The following SZT2 variants were observed in gnomAD, a reference collection of about 807,000 sequenced individuals.
SZT2 encodes the protein SZT2 subunit of KICSTOR complex.
In SZT2, 216 loss-of-function variants were observed where a neutral mutation model predicts 404.2. That is an observed-to-expected ratio of 0.53 (90% CI 0.48 to 0.60). The LOEUF is 0.60. SZT2 is among the 20% of genes least tolerant of loss of function. The pLI, the probability that SZT2 is intolerant of heterozygous loss-of-function variation, is 0.00. For synonymous variants in SZT2, 1,693 were observed against 1,749.9 expected (o/e 0.97, Z 0.81); for missense variants, 3,857 against 4,459.2 (o/e 0.86, Z 3.85).
intron 4 of SZT2, among the ~76,000 whole-genome samples, chr1:43,414,419 AT>A (rs796334958): frequency 1.3e-5 from 2 of 151,920 alleles, no homozygotes; most frequent in African/African-American, 4.8e-5. Context: ...ACCCACAAAA[AT>A]TTTTAAAAAA....
At chr1:43,422,996 G>A in intron 14 of SZT2, 103 bp from the exon 15 acceptor site, 1 of 1,497,704 alleles carries the variant, frequency 6.7e-7, no homozygotes. Flanking sequence ...CCAGACCAAG[G>A]AAGACCTGGA....
At chr1:43,400,098 C>T (rs954969739) in intron 1 of SZT2, among the ~76,000 whole-genome samples, 4 of 151,826 alleles carry the variant, frequency 2.6e-5, no homozygotes, top group East Asian at 1.9e-4. Context: ...ACCACCATGC[C>T]GAGCTAATTT....
rs373399099 is a variant in SZT2 at position 43,421,261 on chromosome 1, C to T, written c.1584C>T (p.Ser528=). The part of the protein sequence containing the change: ...EHFTLPDSTK[S]GVPLFYIPPG... ...TCACGCTTCCTGACAGCACCAAGAG[C>T]GGAGTGCCACTCTTCTACATCCCTC... The change falls in exon 11 of 72, where the codon AGC becomes AGT. Residue 528 remains serine, a synonymous_variant. Transcript: ENST00000634258. The T allele has an allele frequency of 3.3e-5, 53 of 1,598,592 alleles. No homozygotes were observed. The highest frequency in any genetic ancestry group is 3.3e-4 in the Middle Eastern group (2 of 6,060).
At chr1:43,414,303 A>C (rs943799160) in intron 4 of SZT2, among the ~76,000 whole-genome samples, 1 of 152,002 alleles carries the variant, frequency 6.6e-6, no homozygotes, top group African/African-American at 2.4e-5. Context: ...CAAACAAAAA[A>C]AACTTGAAGT....
Position 43,450,248 on chromosome 1 carries a change from G to A in SZT2, c.10155+77G>A. 1 of 1,613,876 alleles carries A rather than the reference G, an allele frequency of 6.2e-7. No homozygotes were observed. The highest frequency in any genetic ancestry group is 1.1e-5 in the South Asian group (1 of 91,076). On this transcript the variant is annotated intron_variant, in intron 71 of 71. Coordinates refer to ENST00000634258, the MANE Select transcript of SZT2 (RefSeq NM_001365999.1). The surrounding 1 kb of genome is among the most constrained non-coding windows in gnomAD (Gnocchi z 4.3). ...AATGCTCCACCTCGGAGCCTGCTGA[G>A]GTTGGGGTGCCCACCCTTTCTGAGC...
chr1:43,453,164 C>A lies in SZT2; in HGVS notation c.*2684C>A. The A allele has an allele frequency of 1.5e-6, 1 of 659,082 alleles. No homozygotes were observed. Among genetic ancestry groups the A allele is most frequent in the Non-Finnish European group, 2.7e-6 (1 of 367,248 alleles). 40.8% of individuals were successfully genotyped at this position (659,082 alleles called of 1,614,324 possible). On this transcript the variant is annotated 3_prime_UTR_variant, in exon 72 of 72. Transcript: ENST00000634258. The stretch of plus-strand genomic sequence containing the variant: ...TATCTGCCTAGGCAGACTGAGCTCC[C>A]AGCATGGGATCCCAGCATGGGGTGA...
Position 43,433,151 on chromosome 1 carries a change from G to C in SZT2, c.5765G>C (p.Arg1922Pro), listed in dbSNP as rs200778925. The change falls in exon 40 of 72, where the codon CGG becomes CCG. Residue 1922 changes from arginine (R) to proline (P), a missense_variant. Physicochemically the swap from Arg to Pro is moderately radical, Grantham distance 103. Transcript: ENST00000634258. ...PCLPDFWLIV[R>P]VLQDRVEVYA... ...CTGCCTGACTTCTGGCTCATTGTCC[G>C]GGTCCTGCAGGACCGTGTGGAAGTG... 1.2e-6 allele frequency: 2 copies of C among 1,613,994 alleles called. No individual in the cohort carries two copies. The highest frequency in any genetic ancestry group is 1.7e-6 in the Non-Finnish European group (2 of 1,180,018).
In SZT2 at chr1:43,403,292, A is replaced by G; in HGVS notation, c.143A>G (p.Gln48Arg). The G allele has an allele frequency of 6.2e-7, 1 of 1,613,480 alleles. No individual in the cohort carries two copies. Among genetic ancestry groups the G allele is most frequent in the South Asian group, 1.1e-5 (1 of 91,030 alleles). Residue 48 changes from glutamine (Q) to arginine (R), a missense_variant, in exon 2 of 72, where the codon CAG (glutamine) becomes CGG (arginine). Physicochemically the swap from Gln to Arg is conservative, Grantham distance 43 (BLOSUM62 1). Transcript: ENST00000634258. ...CACCAAACTGTGCAGGCCACACCCC[A>G]GGAGATGCTGGTGAGGCTTAGACAC... ...HLHQTVQATP[Q>R]EMLLQSEQEL...
chr1:43,412,937 T>C (rs1315506623), intron 4 of SZT2: 1 of 152,140 alleles, frequency 6.6e-6, no homozygotes, highest in Non-Finnish European at 1.5e-5. Context: ...ATCAGAGAAA[T>C]GCAAATGAAA....
chr1:43,416,166 T>C, intron 6 of SZT2, 65 bp downstream of exon 6: 3 of 1,554,756 alleles, frequency 1.9e-6, no homozygotes, highest in Non-Finnish European at 2.6e-6. Context: ...GGCTGACTGC[T>C]AACAAAGATA....
At chr1:43,428,678 C>T in intron 28 of SZT2, 192 bp downstream of exon 28, 1 of 678,786 alleles carries the variant, frequency 1.5e-6, no homozygotes, top group Non-Finnish European at 2.4e-6. Flanking sequence ...CAGTCTCCCT[C>T]CCAGGCTCTC....
chr1:43,446,235 C>T lies in SZT2; in HGVS notation c.8973C>T (p.Ile2991=). 6.2e-7 allele frequency: 1 copy of T among 1,614,264 alleles called. No homozygotes were observed. The highest frequency in any genetic ancestry group is 1.7e-5 in the Admixed American group (1 of 60,030). The change falls in exon 64 of 72, where the codon ATC becomes ATT. Residue 2991 remains isoleucine, a synonymous_variant. Coordinates refer to ENST00000634258, the MANE Select transcript of SZT2 (RefSeq NM_001365999.1). ...YHLQRALPGG[I]ILMELAFQGC... Reference sequence around the variant, plus strand: ...TGCAGCGGGCACTGCCTGGGGGCATCATCCTCATGGAACTGGCATTCCAGG... The same window carrying T: ...TGCAGCGGGCACTGCCTGGGGGCATTATCCTCATGGAACTGGCATTCCAGG...
chr1:43,440,384 T>G, intron 51 of SZT2, 69 bp from the exon 52 acceptor site: 25 of 1,515,034 alleles, frequency 1.7e-5, no homozygotes, highest in East Asian at 2.4e-5. Context: ...ATACCAGTCT[T>G]GAGGTTCAGT....
intron 28 of SZT2, chr1:43,429,021 T>A: frequency 6.3e-6 from 1 of 159,698 alleles, no homozygotes; most frequent in Non-Finnish European, 1.4e-5. Context: ...TGCTGATGAC[T>A]CCTAGATTGG....
rs1196847479 is a variant in SZT2, at chr1:43,448,631, C to T, written c.9989C>T (p.Thr3330Met). 8 of 1,614,070 alleles carry T rather than the reference C, an allele frequency of 5.0e-6. No individual in the cohort carries two copies. Among genetic ancestry groups the T allele is most frequent in the Non-Finnish European group, 6.8e-6 (8 of 1,180,042 alleles). The part of the protein sequence containing the change: ...DPQLDCFLSM[T>M]VSWYQSLIKV... ...CCTCAGGACTGCTTCCTATCCATGA[C>T]GGTCTCCTGGTACCAGAGCCTGATC... Residue 3330 changes from threonine to methionine, a missense_variant, in exon 70 of 72, where the codon ACG (threonine) becomes ATG (methionine). Around this residue, in one of 7 missense-constraint regions of SZT2, gnomAD observed 717 missense variants for 868.2 expected, o/e 0.83. Coordinates refer to ENST00000634258, the MANE Select transcript of SZT2 (RefSeq NM_001365999.1). The surrounding 1 kb of genome is among the most constrained non-coding windows in gnomAD (Gnocchi z 4.2).
intron 4 of SZT2, among the ~76,000 whole-genome samples, chr1:43,407,874 C>G (rs1482566040): frequency 2.7e-5 from 4 of 147,342 alleles, no homozygotes; most frequent in Non-Finnish European, 6.0e-5. Context: ...GCTCTGTTAC[C>G]CAGGCTGGAG....
At chr1:43,444,297 A>G (rs1466020065) in intron 62 of SZT2, among the ~76,000 whole-genome samples, 1 of 151,934 alleles carries the variant, frequency 6.6e-6, no homozygotes, top group Non-Finnish European at 1.5e-5. Context: ...GGGTATCACC[A>G]TGTTGCCTAG....
Position 43,424,720 on chromosome 1 carries a change from C to T in SZT2, c.2472-64C>T. 1 of 1,407,126 alleles carries T rather than the reference C, an allele frequency of 7.1e-7. No homozygotes were observed. Among genetic ancestry groups the T allele is most frequent in the Non-Finnish European group, 1.0e-6 (1 of 997,182 alleles). The allele number at this position is 1,407,126 out of a possible 1,614,324, so 87.2% of individuals were successfully genotyped here. On this transcript the variant is annotated intron_variant, in intron 16 of 71. Transcript: ENST00000634258. This position sits in a 1 kb window ranked among gnomAD's most constrained non-coding sequence, Gnocchi z 4.1. ...GGGAGGTGGGTGTATGTGGGGAGAG[C>T]TTGTAGTCTCAGTGTCTCTTCTTCC...
chr1:43,451,219 G>C lies in SZT2; in HGVS notation c.*739G>C. The C allele has an allele frequency of 6.2e-7, 1 of 1,612,348 alleles. No individual in the cohort carries two copies. The highest frequency in any genetic ancestry group is 8.5e-7 in the Non-Finnish European group (1 of 1,178,552). ...GATGTCACTCGCTGTCTGGAGGCACGTGGGTGGTGTGCGGGCCCTCACTGG... is the reference window on the plus strand; with the variant it reads ...GATGTCACTCGCTGTCTGGAGGCACCTGGGTGGTGTGCGGGCCCTCACTGG... On this transcript the variant is annotated 3_prime_UTR_variant, in exon 72 of 72. Coordinates refer to ENST00000634258, the MANE Select transcript of SZT2 (RefSeq NM_001365999.1).
Sources: allele counts gnomAD v4.1 joint callset (sites outside exome capture counted in the v4.1 genomes callset), GRCh38; gene constraint gnomAD v4.1.1; regional missense constraint gnomAD v4.1.1; non-coding constraint Gnocchi (gnomAD v3.1); transcripts MANE v1.5; gene names NCBI Gene and HGNC (gene_info 2026-07-23, HGNC 2026-07-21).